The following TMEM132D variants were observed in gnomAD, a reference collection of about 807,000 sequenced individuals.
The protein encoded by TMEM132D is mature OL transmembrane protein.
Under a neutral mutation model 62.3 loss-of-function variants are expected in TMEM132D, and 21 were observed. That is an observed-to-expected ratio of 0.34 (90% CI 0.24 to 0.49). The LOEUF is 0.49. Ranked by LOEUF, TMEM132D falls within the 20% of genes least tolerant of loss-of-function variation. The probability of loss-of-function intolerance (pLI) is 0.99; values close to 1 mark genes in which losing one functional copy is unlikely to be tolerated. For synonymous variants in TMEM132D, 621 were observed against 575.6 expected, an observed-to-expected ratio of 1.08 and a Z score of -1.13; for missense variants, 1,346 against 1,402.8, an observed-to-expected ratio of 0.96 and a Z score of 0.65.
At chr12:129,537,158 T>A (rs373725275) in intron 2 of TMEM132D, among the ~76,000 whole-genome samples, 23 of 114,328 alleles carry the variant, frequency 2.0e-4, no homozygotes, top group South Asian at 3.3e-4. Flanking sequence ...AAACTCTGTC[T>A]AAAAAAAAAA....
At chr12:129,766,392 A>G (rs568772891) in intron 1 of TMEM132D, among the ~76,000 whole-genome samples, 1 of 152,214 alleles carries the variant, frequency 6.6e-6, no homozygotes, top group African/African-American at 2.4e-5. Context: ...TAAAATACAC[A>G]TACCATAACA....
At chr12:129,437,731 T>C (rs1593008449) in intron 3 of TMEM132D, among the ~76,000 whole-genome samples, 1 of 50,990 alleles carries the variant, frequency 2.0e-5, no homozygotes, top group African/African-American at 8.5e-5. Context: ...TGCTCATTTC[T>C]TTTTTTTTTT....
intron 5 of TMEM132D, among the ~76,000 whole-genome samples, chr12:129,105,770 G>C (rs1875478522): frequency 6.6e-6 from 1 of 151,416 alleles, no homozygotes; most frequent in Non-Finnish European, 1.5e-5. Flanking sequence ...GGAAACGACA[G>C]GTGCTGGAGA....
intron 3 of TMEM132D, among the ~76,000 whole-genome samples, chr12:129,456,701 G>A (rs1473254742): frequency 1.3e-5 from 2 of 152,136 alleles, no homozygotes; most frequent in African/African-American, 2.4e-5. Flanking sequence ...GGAACTGTTT[G>A]TTTCTCTATT....
At chr12:129,474,444 C>A (rs1874200076) in intron 3 of TMEM132D, among the ~76,000 whole-genome samples, 1 of 152,134 alleles carries the variant, frequency 6.6e-6, no homozygotes, top group African/African-American at 2.4e-5. Flanking sequence ...CTATTTTGCC[C>A]AAGTTCACAG....
intron 4 of TMEM132D, among the ~76,000 whole-genome samples, chr12:129,220,501 G>C (rs1462338844): frequency 2.0e-5 from 3 of 152,224 alleles, no homozygotes; most frequent in Non-Finnish European, 2.9e-5. Context: ...ACACAGTGGA[G>C]AGAGCTCTCA....
intron 2 of TMEM132D, among the ~76,000 whole-genome samples, chr12:129,539,109 AG>A (rs953182758): frequency 6.6e-6 from 1 of 152,122 alleles, no homozygotes; most frequent in African/African-American, 2.4e-5. Flanking sequence ...CTCATGCAGG[AG>A]GGTTGCGAGT....
intron 5 of TMEM132D, among the ~76,000 whole-genome samples, chr12:129,166,788 T>TTTC (rs1877574831): frequency 3.3e-3 from 1 of 300 alleles, no homozygotes; most frequent in Admixed American, 0.026. Context: ...TATATATATA[T>TTTC]ATATATATAT....
At chr12:129,514,558 A>G (rs947666936) in intron 3 of TMEM132D, among the ~76,000 whole-genome samples, 1 of 152,196 alleles carries the variant, frequency 6.6e-6, no homozygotes, top group Admixed American at 6.5e-5. Flanking sequence ...ACCTCAGTGA[A>G]TTGAAATGAT....
chr12:129,287,813 C>T (rs1376503169), intron 4 of TMEM132D, among the ~76,000 whole-genome samples: 1 of 152,166 alleles, frequency 6.6e-6, no homozygotes, highest in African/African-American at 2.4e-5. Context: ...TATCCGTTTC[C>T]CACTGGTATT....
intron 5 of TMEM132D, chr12:129,208,999 G>C (rs1878943214): frequency 6.6e-6 from 1 of 152,546 alleles, no homozygotes; most frequent in African/African-American, 2.4e-5. Context: ...GAATTTTGTG[G>C]GCTGGGCAGA....
intron 5 of TMEM132D, among the ~76,000 whole-genome samples, chr12:129,184,490 G>A (rs1010770366): frequency 9.8e-5 from 15 of 152,296 alleles, no homozygotes; most frequent in African/African-American, 2.6e-4. Flanking sequence ...GCACCCTGTC[G>A]CTCCAGGGCA....
chr12:129,592,507 C>T (rs1051091400), intron 2 of TMEM132D, among the ~76,000 whole-genome samples: 1 of 152,164 alleles, frequency 6.6e-6, no homozygotes, highest in South Asian at 2.1e-4. Context: ...TATGTGTACA[C>T]ACATACAATA....
intron 3 of TMEM132D, among the ~76,000 whole-genome samples, chr12:129,490,423 CTTTTTT>C (rs11311745): frequency 3.4e-5 from 2 of 58,550 alleles, no homozygotes; most frequent in East Asian, 5.7e-4. Context: ...ATTTCCTTTC[CTTTTTT>C]TTTTTTTTTT....
chr12:129,423,271 A>ACTGTTT (rs1166067762), intron 3 of TMEM132D, among the ~76,000 whole-genome samples: 1 of 152,140 alleles, frequency 6.6e-6, no homozygotes, highest in African/African-American at 2.4e-5. Flanking sequence ...CTTTTCCTAC[A>ACTGTTT]CATAAACAGG....
chr12:129,137,300 A>G (rs977922604), intron 5 of TMEM132D, among the ~76,000 whole-genome samples: 1 of 152,144 alleles, frequency 6.6e-6, no homozygotes, highest in Non-Finnish European at 1.5e-5. Flanking sequence ...CACTATCACT[A>G]TCACCATCAC....
intron 4 of TMEM132D, among the ~76,000 whole-genome samples, chr12:129,235,463 T>C (rs946223116): frequency 1.3e-5 from 2 of 152,092 alleles, no homozygotes; most frequent in South Asian, 2.1e-4. Context: ...AATCAAATAT[T>C]ATATAGCCTT....
chr12:129,815,138 T>C (rs796662061), intron 1 of TMEM132D, among the ~76,000 whole-genome samples: 27 of 152,370 alleles, frequency 1.8e-4, no homozygotes, highest in African/African-American at 6.5e-4. Flanking sequence ...AGGATTTTAA[T>C]TGCGCTAAGT....
intron 3 of TMEM132D, among the ~76,000 whole-genome samples, chr12:129,505,937 G>C (rs374804074): frequency 6.6e-6 from 1 of 152,160 alleles, no homozygotes; most frequent in Non-Finnish European, 1.5e-5. Flanking sequence ...TGAGTCTCTT[G>C]AAGGCAGCAG....
Sources: allele counts gnomAD v4.1 joint callset (sites outside exome capture counted in the v4.1 genomes callset), GRCh38; gene constraint gnomAD v4.1.1; transcripts MANE v1.5; gene names NCBI Gene and HGNC (gene_info 2026-07-23, HGNC 2026-07-21).